The following TYW1 variants were observed in gnomAD, a reference collection of about 807,000 sequenced individuals.
TYW1 encodes S-adenosyl-L-methionine-dependent tRNA 4-demethylwyosine synthase TYW1.
TYW1 carries 46 observed loss-of-function variants against 96.2 expected under a neutral mutation model. The ratio of observed to expected loss-of-function variants is 0.48; its 90% CI spans 0.38 to 0.61. The LOEUF is 0.61. Ranked by LOEUF, TYW1 falls within the 20% of genes least tolerant of loss-of-function variation. TYW1 has a pLI of 0.00. For missense variants in TYW1, 684 were observed against 909.6 expected (o/e 0.75, Z 3.19); for synonymous variants, 274 against 323.0 (o/e 0.85, Z 1.63).
At position 67,196,467 on chromosome 7, in the gene TYW1, G is replaced by A. The variant is rs188072269; in HGVS notation, c.1977+1130G>A. On this transcript the variant is annotated intron_variant, in intron 15 of 15. Transcript: ENST00000359626. ...CTCCAGTGCCTTGTTACCTGTGATT[G>A]CATTCTGTACGTTGCATTTAGAAGA... Among the ~76,000 whole-genome samples the A allele has an allele frequency of 2.8e-3, 427 of 152,246 alleles. 2 individuals carry two copies. Among genetic ancestry groups the A allele is most frequent in the Non-Finnish European group, 4.4e-3 (302 of 68,026 alleles).
intron 7 of TYW1, among the ~76,000 whole-genome samples, chr7:67,043,398 A>G (rs1795090658): frequency 1.3e-5 from 2 of 149,446 alleles, no homozygotes; most frequent in South Asian, 2.1e-4. Flanking sequence ...AAATGTTGCT[A>G]AATAATCCCC....
intron 15 of TYW1, among the ~76,000 whole-genome samples, chr7:67,198,348 C>T (rs181709151): frequency 0.016 from 2,392 of 151,996 alleles, 31 homozygotes; most frequent in Admixed American, 0.044. Flanking sequence ...GTCAGGAGTT[C>T]GAGACCAACC....
At chr7:67,163,404 G>C (rs1157358643) in intron 13 of TYW1, among the ~76,000 whole-genome samples, 1 of 152,008 alleles carries the variant, frequency 6.6e-6, no homozygotes, top group Non-Finnish European at 1.5e-5. Context: ...CAGCTTTCTT[G>C]CGCTCATCTC....
intron 9 of TYW1, among the ~76,000 whole-genome samples, chr7:67,063,385 A>G (rs1795755288): frequency 6.6e-6 from 1 of 152,266 alleles, no homozygotes; most frequent in Admixed American, 6.5e-5. Context: ...GTCTGTGTTC[A>G]CCACTCCTGT....
At chr7:67,220,628 T>G (rs1277568852) in intron 15 of TYW1, among the ~76,000 whole-genome samples, 1 of 152,192 alleles carries the variant, frequency 6.6e-6, no homozygotes, top group African/African-American at 2.4e-5. Flanking sequence ...ATGTCCCATG[T>G]GTACTTGGGA....
At position 67,205,386 on chromosome 7, in the gene TYW1, CG is replaced by C. The variant is rs528670735; in HGVS notation, c.1977+10059del. ...CTCCACTGACATTATAGGATGGAGG[CG>C]GGGGGGGGGCCTTATTGCTGCTGGG... On this transcript the variant is annotated intron_variant, in intron 15 of 15. Coordinates refer to ENST00000359626, the MANE Select transcript of TYW1 (RefSeq NM_018264.4). Among the ~76,000 whole-genome samples, 515 of 139,214 alleles carry C rather than the reference CG, an allele frequency of 3.7e-3. 2 individuals are homozygous for C. Among genetic ancestry groups the C allele is most frequent in the East Asian group, 0.013 (61 of 4,692 alleles). The allele number at this position is 139,214 out of a possible 152,430, so 91.3% of individuals were successfully genotyped here.
chr7:67,138,603 A>G (rs1392584757), intron 13 of TYW1, among the ~76,000 whole-genome samples: 3 of 152,076 alleles, frequency 2.0e-5, no homozygotes, highest in Non-Finnish European at 4.4e-5. Context: ...CCCATTAACC[A>G]TCCCACCTTC....
At chr7:67,148,566 C>A (rs1463823762) in intron 13 of TYW1, among the ~76,000 whole-genome samples, 1 of 151,550 alleles carries the variant, frequency 6.6e-6, no homozygotes, top group Non-Finnish European at 1.5e-5. Flanking sequence ...GCTGGGACTA[C>A]AGGCGCCTGC....
chr7:67,231,692 C>T (rs1427081129), intron 15 of TYW1, among the ~76,000 whole-genome samples: 2 of 151,822 alleles, frequency 1.3e-5, no homozygotes, highest in South Asian at 4.2e-4. Context: ...TTTTCTCATT[C>T]GATTTTCTCT....
At chr7:67,032,464 CA>C (rs1306655106) in intron 7 of TYW1, among the ~76,000 whole-genome samples, 2 of 151,968 alleles carry the variant, frequency 1.3e-5, no homozygotes, top group Non-Finnish European at 2.9e-5. Flanking sequence ...ACCAAAAATA[CA>C]AAAACAAAAA....
intron 14 of TYW1, among the ~76,000 whole-genome samples, chr7:67,186,211 A>T (rs531369179): frequency 6.9e-6 from 1 of 144,136 alleles, no homozygotes; most frequent in South Asian, 2.3e-4. Context: ...TAAAACCTCT[A>T]TTATAATAAA....
intron 10 of TYW1, among the ~76,000 whole-genome samples, chr7:67,068,321 C>G (rs1795932682): frequency 6.6e-6 from 1 of 152,222 alleles, no homozygotes; most frequent in Non-Finnish European, 1.5e-5. Flanking sequence ...CGCACCCAGC[C>G]TACTAACCCA....
chr7:67,230,057 C>T (rs1483858630), intron 15 of TYW1, among the ~76,000 whole-genome samples: 1 of 151,990 alleles, frequency 6.6e-6, no homozygotes, highest in East Asian at 1.9e-4. Context: ...CTACCAGTCA[C>T]ATGGGATCAT....
chr7:67,174,935 G>A (rs1799623552), intron 13 of TYW1, among the ~76,000 whole-genome samples: 6 of 151,916 alleles, frequency 3.9e-5, no homozygotes, highest in Admixed American at 3.9e-4. Context: ...CCTAGAAAAT[G>A]AAGCTTAAGA....
chr7:67,084,977 A>T (rs1380296434), intron 11 of TYW1, among the ~76,000 whole-genome samples: 5 of 152,178 alleles, frequency 3.3e-5, no homozygotes, highest in African/African-American at 2.4e-5. Flanking sequence ...GTCTCTACCT[A>T]CCACTGGTGA....
intron 13 of TYW1, among the ~76,000 whole-genome samples, chr7:67,138,665 G>T (rs1798348870): frequency 6.6e-6 from 1 of 151,928 alleles, no homozygotes; most frequent in South Asian, 2.1e-4. Flanking sequence ...TCCTTCTACT[G>T]TCTGTCTCCA....
At chr7:67,015,438 A>T (rs527326039) in intron 5 of TYW1, among the ~76,000 whole-genome samples, 17 of 152,184 alleles carry the variant, frequency 1.1e-4, no homozygotes, top group Admixed American at 1.0e-3. Flanking sequence ...CTGAACCTTG[A>T]AGTCCTAGGC....
rs1465836534 is a variant in TYW1, at chr7:67,180,081, T to C, written c.1699-3045T>C. Among the ~76,000 whole-genome samples the C allele has an allele frequency of 9.1e-5, 12 of 131,332 alleles. 3 individuals carry two copies. Among genetic ancestry groups the C allele is most frequent in the Non-Finnish European group, 1.9e-4 (12 of 62,254 alleles). 86.2% of individuals were successfully genotyped at this position (131,332 alleles called of 152,430 possible). A position where few individuals can be genotyped will look rare whatever the true frequency, so the allele number is the denominator to read the frequency against. On this transcript the variant is annotated intron_variant, in intron 13 of 15. Coordinates refer to ENST00000359626, the MANE Select transcript of TYW1 (RefSeq NM_018264.4). Reference sequence around the variant, plus strand: ...GCCTCAAGTAATCCTCCCATCTTGGTCTTCCAATGTGCTGAGATTACAGGC... The same window carrying C: ...GCCTCAAGTAATCCTCCCATCTTGGCCTTCCAATGTGCTGAGATTACAGGC...
intron 12 of TYW1, among the ~76,000 whole-genome samples, chr7:67,108,716 A>G (rs1797311885): frequency 6.6e-6 from 1 of 151,922 alleles, no homozygotes; most frequent in South Asian, 2.1e-4. Context: ...TGCTGGGATT[A>G]CAGACATGAG....
Sources: gnomAD v4.1 joint callset for allele counts (sites outside exome capture counted in the v4.1 genomes callset) on GRCh38, gnomAD v4.1.1 for gene constraint, MANE v1.5 for transcripts, NCBI Gene and HGNC (gene_info 2026-07-23, HGNC 2026-07-21) for gene names.